Variants in UST observed in about 807,000 individuals in gnomAD.
The protein encoded by UST is uronyl 2-sulfotransferase.
In UST, 21 loss-of-function variants were observed where a neutral mutation model predicts 45.6. The observed-to-expected ratio is 0.46, with a 90% confidence interval of 0.33 to 0.66. The LOEUF (loss-of-function observed/expected upper bound fraction) is 0.66, where lower values mean the gene tolerates loss of function less well. Ranked by LOEUF, UST falls within the 30% of genes least tolerant of loss-of-function variation. The pLI, the probability that UST is intolerant of heterozygous loss-of-function variation, is 0.02. For missense variants in UST, 463 were observed against 512.4 expected, an observed-to-expected ratio of 0.90 and a Z score of 0.93; for synonymous variants, 215 against 200.6, an observed-to-expected ratio of 1.07 and a Z score of -0.61.
intron 1 of UST, among the ~76,000 whole-genome samples, chr6:148,749,766 T>C (rs1775952775): frequency 6.6e-6 from 1 of 152,226 alleles, no homozygotes; most frequent in Non-Finnish European, 1.5e-5. Flanking sequence ...GGGTGAATTC[T>C]CAGCTTCTGC....
chr6:148,895,214 T>C (rs59890356), intron 2 of UST, among the ~76,000 whole-genome samples: 4,677 of 152,272 alleles, frequency 0.031, 210 homozygotes, highest in African/African-American at 0.11. Flanking sequence ...CTCATGTTTT[T>C]AGCTGTGTTA....
chr6:148,828,423 A>G (rs1357043894), intron 1 of UST, among the ~76,000 whole-genome samples: 1 of 152,168 alleles, frequency 6.6e-6, no homozygotes, highest in Non-Finnish European at 1.5e-5. Flanking sequence ...TTATAGCAGT[A>G]TAATATTTTG....
intron 2 of UST, among the ~76,000 whole-genome samples, chr6:148,919,161 T>C (rs573990257): frequency 1.4e-4 from 22 of 152,270 alleles, no homozygotes; most frequent in African/African-American, 5.3e-4. Flanking sequence ...TTAGGATATG[T>C]CTTTCTCCTC....
At chr6:148,788,097 G>T (rs1467775318) in intron 1 of UST, among the ~76,000 whole-genome samples, 1 of 152,176 alleles carries the variant, frequency 6.6e-6, no homozygotes, top group Non-Finnish European at 1.5e-5. Flanking sequence ...AAGGTGAAAG[G>T]CTCTTCTTAC....
chr6:149,020,902 C>T (rs185344945), intron 6 of UST, among the ~76,000 whole-genome samples: 11 of 152,358 alleles, frequency 7.2e-5, no homozygotes, highest in Admixed American at 5.2e-4. Context: ...TTGAGTTCTA[C>T]ATAAATACTA....
chr6:148,782,956 C>A (rs892519681), intron 1 of UST, among the ~76,000 whole-genome samples: 7 of 152,208 alleles, frequency 4.6e-5, no homozygotes, highest in Admixed American at 1.3e-4. Flanking sequence ...TATCAAACCA[C>A]ATCATATGCT....
chr6:148,836,103 C>T lies in UST; in HGVS notation c.248-50883C>T, dbSNP rs116079655. Among the ~76,000 whole-genome samples the T allele has an allele frequency of 9.2e-3, 1,405 of 151,994 alleles. 16 individuals carry two copies. Among genetic ancestry groups the T allele is most frequent in the African/African-American group, 0.031 (1,297 of 41,446 alleles). On this transcript the variant is annotated intron_variant, in intron 1 of 7. Transcript: ENST00000367463. ...AACAATCAGAGTTCATCGTGTTTTG[C>T]GGAAGAGGAGGAAAAGCAGCCCAAA...
chr6:149,016,886 G>C (rs1562330365), intron 5 of UST, among the ~76,000 whole-genome samples: 1 of 152,218 alleles, frequency 6.6e-6, no homozygotes, highest in Non-Finnish European at 1.5e-5. Flanking sequence ...CACTGCTGCA[G>C]AGGGAGGCCA....
chr6:148,991,729 A>G (rs1186680278), intron 5 of UST, among the ~76,000 whole-genome samples: 1 of 152,088 alleles, frequency 6.6e-6, no homozygotes, highest in East Asian at 1.9e-4. Context: ...GAACAAGCAT[A>G]TATGTTACTT....
At chr6:148,779,346 A>G (rs1776594583) in intron 1 of UST, among the ~76,000 whole-genome samples, 1 of 152,226 alleles carries the variant, frequency 6.6e-6, no homozygotes. Context: ...TGAGAATTTC[A>G]GAGTGTTTTC....
chr6:149,014,987 G>A (rs1049813677), intron 5 of UST, among the ~76,000 whole-genome samples: 1 of 152,152 alleles, frequency 6.6e-6, no homozygotes, highest in Non-Finnish European at 1.5e-5. Context: ...AGGAAGAGCT[G>A]CTGGCTGAGA....
At chr6:149,036,287 G>A (rs971771357) in intron 7 of UST, among the ~76,000 whole-genome samples, 1 of 152,134 alleles carries the variant, frequency 6.6e-6, no homozygotes, top group South Asian at 2.1e-4. Context: ...CTCTCAGCTG[G>A]GTGAGCTGAC....
intron 5 of UST, among the ~76,000 whole-genome samples, chr6:148,968,468 T>G (rs60225678): frequency 0.051 from 7,722 of 152,300 alleles, 658 homozygotes; most frequent in African/African-American, 0.18. Context: ...AGCTCCCCAG[T>G]GTGGAGGTGG....
At chr6:148,960,148 G>A (rs1195483982) in intron 4 of UST, among the ~76,000 whole-genome samples, 2 of 152,072 alleles carry the variant, frequency 1.3e-5, no homozygotes, top group Admixed American at 6.6e-5. Flanking sequence ...AATTAGATGG[G>A]CATGGTGATG....
chr6:148,778,984 C>A (rs1776586555), intron 1 of UST, among the ~76,000 whole-genome samples: 1 of 152,192 alleles, frequency 6.6e-6, no homozygotes, highest in South Asian at 2.1e-4. Context: ...TTGCCCTCTT[C>A]TGCAAGGCCG....
chr6:148,984,584 G>T lies in UST; in HGVS notation c.681+20021G>T, dbSNP rs907174872. ...GGATCTCACTCTGTCTTGCAGGCTG[G>T]AGTGCAGTGGCACAATCATAGCTCA... On this transcript the variant is annotated intron_variant, in intron 5 of 7. Coordinates refer to ENST00000367463, the MANE Select transcript of UST (RefSeq NM_005715.3). Among the ~76,000 whole-genome samples, 3 of 152,054 alleles carry T rather than the reference G, an allele frequency of 2.0e-5. No individual in the cohort carries two copies. In the East Asian group the frequency reaches 5.8e-4, roughly 29 times the overall value.
rs139519248 is a variant in UST, at chr6:148,880,852, A to T, written c.248-6134A>T. Among the ~76,000 whole-genome samples, 38 of 151,952 alleles carry T rather than the reference A, an allele frequency of 2.5e-4. No individual in the cohort carries two copies. In the East Asian group the frequency reaches 6.8e-3, roughly 27 times the overall value. On this transcript the variant is annotated intron_variant, in intron 1 of 7. Coordinates refer to ENST00000367463, the MANE Select transcript of UST (RefSeq NM_005715.3). Reference sequence around the variant, plus strand: ...GGACCATCCTGGCTAACATGGTGAAACCCCATCTCTACTAAAAATACAAAA... The same window carrying T: ...GGACCATCCTGGCTAACATGGTGAATCCCCATCTCTACTAAAAATACAAAA...
At chr6:148,820,335 TTC>T (rs1777432641) in intron 1 of UST, among the ~76,000 whole-genome samples, 1 of 152,156 alleles carries the variant, frequency 6.6e-6, no homozygotes, top group South Asian at 2.1e-4. Flanking sequence ...CATATACACA[TTC>T]TCTTTCTGTA....
intron 1 of UST, among the ~76,000 whole-genome samples, chr6:148,811,021 A>T (rs1384117272): frequency 6.6e-6 from 1 of 152,226 alleles, no homozygotes; most frequent in Non-Finnish European, 1.5e-5. Flanking sequence ...TTTATCATAT[A>T]CATTGATTTA....
Sources: gnomAD v4.1 joint callset for allele counts (sites outside exome capture counted in the v4.1 genomes callset) on GRCh38, gnomAD v4.1.1 for gene constraint, MANE v1.5 for transcripts, NCBI Gene and HGNC (gene_info 2026-07-23, HGNC 2026-07-21) for gene names.